FAM91A1: variants seen among roughly 807,000 people sequenced by gnomAD.
FAM91A1 encodes protein FAM91A1.
FAM91A1 carries 41 observed loss-of-function variants against 113.5 expected under a neutral mutation model. That is an observed-to-expected ratio of 0.36 (90% CI 0.28 to 0.47). The LOEUF (loss-of-function observed/expected upper bound fraction) is 0.47, where lower values mean the gene tolerates loss of function less well. Ranked by LOEUF, FAM91A1 falls within the 20% of genes least tolerant of loss-of-function variation. The pLI, the probability that FAM91A1 is intolerant of heterozygous loss-of-function variation, is 1.00. For synonymous variants in FAM91A1, 307 were observed against 347.9 expected (o/e 0.88, Z 1.31); for missense variants, 696 against 1,001.2 (o/e 0.70, Z 4.11).
chr8:123,790,478 T>C (rs951078652), intron 15 of FAM91A1, among the ~76,000 whole-genome samples: 1 of 152,240 alleles, frequency 6.6e-6, no homozygotes, highest in Admixed American at 6.5e-5. Context: ...CTCAAGTTCT[T>C]AGACATTCAC....
rs1033681251 is a variant in FAM91A1, at chr8:123,798,172, C to G, written c.1494C>G (p.Tyr498Ter). ...GCAGCAGAGTTCTAAACAAAAATTA[C>G]ACGCTGCTTGTTTCCATGGCTCCCC... ...ATCSRVLNKN[Y>*]TLLVSMAPLT... Residue 498 changes from tyrosine to a stop codon, truncating the protein, a stop_gained, in exon 16 of 24, where the codon TAC becomes TAG. Transcript: ENST00000334705. LOFTEE classifies it high-confidence loss of function. 2 of 1,614,016 alleles carry G rather than the reference C, an allele frequency of 1.2e-6. No homozygotes were observed. The highest frequency in any genetic ancestry group is 1.7e-6 in the Non-Finnish European group (2 of 1,180,008).
chr8:123,812,380 G>A (rs1199198426), intron 23 of FAM91A1, 139 bp from the exon 24 acceptor site: 7 of 618,346 alleles, frequency 1.1e-5, no homozygotes, highest in African/African-American at 3.8e-5. Context: ...GGCTCACAGT[G>A]TAGATCTTTG....
intron 1 of FAM91A1, among the ~76,000 whole-genome samples, chr8:123,770,259 G>A (rs1814809188): frequency 6.6e-6 from 1 of 152,162 alleles, no homozygotes; most frequent in South Asian, 2.1e-4. Context: ...CCAGTATGAG[G>A]ATTGTTATAG....
At chr8:123,808,130 C>A in intron 20 of FAM91A1, 142 bp from the exon 21 acceptor site, 1 of 640,716 alleles carries the variant, frequency 1.6e-6, no homozygotes. Context: ...TGTTTAAAAC[C>A]ACTTATTTAA....
At chr8:123,805,996 G>GA in intron 19 of FAM91A1, 84 bp from the exon 20 acceptor site, 1 of 1,298,100 alleles carries the variant, frequency 7.7e-7, no homozygotes, top group Non-Finnish European at 1.0e-6. Flanking sequence ...GTAGTTCTAA[G>GA]AGTTGTTTAA....
chr8:123,794,745 C>A (rs1311968137), intron 15 of FAM91A1, among the ~76,000 whole-genome samples: 2 of 152,164 alleles, frequency 1.3e-5, no homozygotes, highest in African/African-American at 4.8e-5. Context: ...ACTAGGGGAG[C>A]CATACAGAGA....
chr8:123,805,502 T>C lies in FAM91A1; in HGVS notation c.1882+163T>C, dbSNP rs1171908444. On this transcript the variant is annotated intron_variant, in intron 19 of 23. Transcript: ENST00000334705. ...CAAAAGGTAGTTTTTTGTCATGTGC[T>C]TTGCCATCCACAAAGAACTGTTAGA... Among the ~76,000 whole-genome samples, 5 of 152,290 alleles carry C rather than the reference T, an allele frequency of 3.3e-5. No individual in the cohort carries two copies. In the East Asian group the frequency reaches 9.6e-4, roughly 29 times the overall value.
At chr8:123,786,196 C>G (rs1815253819) in intron 11 of FAM91A1, 1 of 325,894 alleles carries the variant, frequency 3.1e-6, no homozygotes, top group Non-Finnish European at 5.7e-6. Flanking sequence ...GTGTGTGTTA[C>G]AGATCTTTTT....
rs1419906491 is a variant in FAM91A1 at position 123,779,553 on chromosome 8, G to A, written c.550-432G>A. On this transcript the variant is annotated intron_variant, in intron 6 of 23. Coordinates refer to ENST00000334705, the MANE Select transcript of FAM91A1 (RefSeq NM_144963.4). The stretch of plus-strand genomic sequence containing the variant: ...GGGTACGTACTAAATCCATTGAGTG[G>A]AAGGCTTAGAAATTTTACTTCAGTC... Among the ~76,000 whole-genome samples the A allele has an allele frequency of 2.0e-5, 3 of 152,280 alleles. No homozygotes were observed. In the East Asian group the frequency reaches 5.8e-4, roughly 29 times the overall value.
At chr8:123,771,574 T>C (rs1814838779) in intron 1 of FAM91A1, among the ~76,000 whole-genome samples, 1 of 152,210 alleles carries the variant, frequency 6.6e-6, no homozygotes, top group Non-Finnish European at 1.5e-5. Flanking sequence ...TTAAAAAATA[T>C]ATAAAAAATT....
chr8:123,786,584 C>G lies in FAM91A1; in HGVS notation c.1052C>G (p.Thr351Ser). 3 of 1,614,100 alleles carry G rather than the reference C, an allele frequency of 1.9e-6. No individual in the cohort carries two copies. The highest frequency in any genetic ancestry group is 2.5e-6 in the Non-Finnish European group (3 of 1,179,956). ...PVQEASSATDTDTNSQEDPAD... is the reference protein window; with the variant it reads ...PVQEASSATDSDTNSQEDPAD... ...CAAGAAGCTTCATCGGCAACTGACACTGATACAAATAGTCAAGAAGATCCA... is the reference window on the plus strand; with the variant it reads ...CAAGAAGCTTCATCGGCAACTGACAGTGATACAAATAGTCAAGAAGATCCA... Residue 351 changes from threonine to serine, a missense_variant, in exon 12 of 24, where the codon ACT becomes AGT. Transcript: ENST00000334705.
In FAM91A1 at chr8:123,786,485, T is replaced by G; in HGVS notation, c.963-10T>G. ...GATTTTTAAAAAGCAAATGCATTCT[T>G]CATTAATAGGAGTACCTTAGATCCA... On this transcript the variant is annotated splice_polypyrimidine_tract_variant and intron_variant, in intron 11 of 23. Coordinates refer to ENST00000334705, the MANE Select transcript of FAM91A1 (RefSeq NM_144963.4). The G allele has an allele frequency of 6.3e-7, 1 of 1,583,786 alleles. No individual in the cohort carries two copies. Among genetic ancestry groups the G allele is most frequent in the Non-Finnish European group, 8.7e-7 (1 of 1,153,704 alleles).
At chr8:123,775,324 G>A in intron 3 of FAM91A1, 26 bp downstream of exon 3, 1 of 1,608,638 alleles carries the variant, frequency 6.2e-7, no homozygotes, top group Non-Finnish European at 8.5e-7. Flanking sequence ...GGGTGAGCCA[G>A]TGGGAATGGG....
In FAM91A1 at chr8:123,806,083, T is replaced by C. The variant is rs375006283; in HGVS notation, c.1886T>C (p.Phe629Ser). ...GTGATGTCCGTTCTGTTTGTAGAGT[T>C]CACTCGTGTCAATATGGGTGTTCAT... The part of the protein sequence containing the change: ...PFDETELQGE[F>S]TRVNMGVHKA... The change falls in exon 20 of 24, where the codon TTC becomes TCC. Residue 629 changes from phenylalanine (F) to serine (S), a missense_variant. Physicochemically the swap from Phe to Ser is radical, Grantham distance 155 (BLOSUM62 -2). Transcript: ENST00000334705. 1 of 1,588,286 alleles carries C rather than the reference T, an allele frequency of 6.3e-7. No individual in the cohort carries two copies. Among genetic ancestry groups the C allele is most frequent in the Non-Finnish European group, 8.6e-7 (1 of 1,164,604 alleles).
At chr8:123,788,321 A>G in intron 14 of FAM91A1, 1 of 856,868 alleles carries the variant, frequency 1.2e-6, no homozygotes, top group Non-Finnish European at 1.4e-6. Flanking sequence ...CATTCTTCGG[A>G]TATTTTATTC....
chr8:123,771,738 C>A (rs7815695), intron 1 of FAM91A1, among the ~76,000 whole-genome samples: 1 of 151,832 alleles, frequency 6.6e-6, no homozygotes, highest in Non-Finnish European at 1.5e-5. Context: ...TTTTTTGATG[C>A]GGCACAGGGG....
intron 15 of FAM91A1, among the ~76,000 whole-genome samples, chr8:123,797,420 GC>G (rs1048277144): frequency 2.0e-5 from 3 of 152,080 alleles, no homozygotes; most frequent in African/African-American, 2.4e-5. Context: ...TGCCTCTCCT[GC>G]CTCCCCTTCC....
At chr8:123,809,427 T>A (rs1815895869) in intron 22 of FAM91A1, among the ~76,000 whole-genome samples, 1 of 152,240 alleles carries the variant, frequency 6.6e-6, no homozygotes, top group African/African-American at 2.4e-5. Context: ...GGTGGAATTA[T>A]GATGACTTTG....
intron 3 of FAM91A1, among the ~76,000 whole-genome samples, chr8:123,775,851 G>A (rs1346016334): frequency 1.3e-5 from 2 of 152,114 alleles, no homozygotes; most frequent in Non-Finnish European, 2.9e-5. Context: ...TGTAATCCTA[G>A]CTACTCAGGA....
Sources: gnomAD v4.1 joint callset for allele counts (sites outside exome capture counted in the v4.1 genomes callset) on GRCh38, gnomAD v4.1.1 for gene constraint, MANE v1.5 for transcripts, NCBI Gene and HGNC (gene_info 2026-07-23, HGNC 2026-07-21) for gene names.